Variants in HCN2 observed in about 807,000 individuals in gnomAD.
HCN2 encodes hyperpolarization activated cyclic nucleotide gated potassium and sodium channel 2.
In HCN2, 20 loss-of-function variants were observed where a neutral mutation model predicts 52.3. The observed-to-expected ratio is 0.38, with a 90% confidence interval of 0.27 to 0.56. HCN2 has a LOEUF of 0.56. Among genes scored for constraint, HCN2 ranks in the 20% least tolerant of loss-of-function variants. The pLI, the probability that HCN2 is intolerant of heterozygous loss-of-function variation, is 0.71. For synonymous variants in HCN2, 694 were observed against 537.0 expected (o/e 1.29, Z -4.04); for missense variants, 981 against 1,207.7 (o/e 0.81, Z 2.78).
intron 1 of HCN2, among the ~76,000 whole-genome samples, chr19:593,307 G>A (rs1026379092): frequency 3.9e-5 from 6 of 152,200 alleles, no homozygotes; most frequent in Admixed American, 1.3e-4. Flanking sequence ...AGGCCTGGGC[G>A]GCTGGCCCCT....
rs190846720 is a variant in HCN2, at chr19:590,365, G to A, written c.420G>A (p.Pro140=). Residue 140 remains proline (P), a synonymous_variant, in exon 1 of 8, where the codon CCG becomes CCA. Coordinates refer to ENST00000251287, the MANE Select transcript of HCN2 (RefSeq NM_001194.4). The surrounding 1 kb of genome is among the most constrained non-coding windows in gnomAD (Gnocchi z 7.2). ...CGGGGCCCGCGCCGGGGCCGGGGCC[G>A]GCGGAGGAGGCGGGCAGCGAGGAGG... ...AASGPAPGPG[P]AEEAGSEEAG... is the part of the protein sequence containing the mutation. The A allele has an allele frequency of 2.5e-3, 2,857 of 1,150,130 alleles. 33 individuals carry two copies. In the African/African-American group the frequency reaches 0.033, roughly 13 times the overall value. 71.2% of individuals were successfully genotyped at this position (1,150,130 alleles called of 1,614,324 possible). A position where few individuals can be genotyped will look rare whatever the true frequency, so the allele number is the denominator to read the frequency against.
chr19:595,530 C>G (rs1983002312), intron 1 of HCN2, among the ~76,000 whole-genome samples: 1 of 152,208 alleles, frequency 6.6e-6, no homozygotes, highest in African/African-American at 2.4e-5. Flanking sequence ...CCTGCTGCCC[C>G]TCTTCAGCCA....
intron 1 of HCN2, among the ~76,000 whole-genome samples, chr19:595,035 C>T: frequency 6.6e-6 from 1 of 152,020 alleles, no homozygotes; most frequent in Admixed American, 6.5e-5. Flanking sequence ...ACCCCCATCT[C>T]TACAAAAAGT....
chr19:594,789 G>A (rs1234141726), intron 1 of HCN2, among the ~76,000 whole-genome samples: 1 of 152,160 alleles, frequency 6.6e-6, no homozygotes, highest in Non-Finnish European at 1.5e-5. Flanking sequence ...GGGTGTGCAT[G>A]GACCCATATC....
intron 1 of HCN2, among the ~76,000 whole-genome samples, chr19:597,999 C>T (rs973353814): frequency 2.0e-5 from 3 of 152,190 alleles, no homozygotes; most frequent in Non-Finnish European, 4.4e-5. Flanking sequence ...GGTTTTGTCC[C>T]AAGACTGGTG....
intron 1 of HCN2, among the ~76,000 whole-genome samples, chr19:593,123 C>G (rs1046710980): frequency 6.6e-6 from 1 of 152,260 alleles, no homozygotes; most frequent in Non-Finnish European, 1.5e-5. Flanking sequence ...GGTTCTTCCT[C>G]GCTGCCCAGC....
chr19:593,513 G>C (rs139181679), intron 1 of HCN2, among the ~76,000 whole-genome samples: 2 of 152,198 alleles, frequency 1.3e-5, no homozygotes, highest in Non-Finnish European at 2.9e-5. Context: ...CCAGCTACTC[G>C]GGAGGCTGAG....
At chr19:601,571 T>G (rs901901742) in intron 1 of HCN2, among the ~76,000 whole-genome samples, 1 of 152,054 alleles carries the variant, frequency 6.6e-6, no homozygotes, top group Non-Finnish European at 1.5e-5. Context: ...GGTGGGGTGG[T>G]TGTCGTCCGC....
chr19:592,139 G>C lies in HCN2; in HGVS notation c.632+1562G>C, dbSNP rs1016676325. 2.0e-5 allele frequency among the ~76,000 whole-genome samples: 3 copies of C among 152,238 alleles called. No homozygotes were observed. Among genetic ancestry groups the C allele is most frequent in the Non-Finnish European group, 4.4e-5 (3 of 68,032 alleles). The stretch of plus-strand genomic sequence containing the variant: ...ACTGGACTTCCAGGGCTGCTGGTCG[G>C]CCTGGCCCCACTTCCAGTCGGGCAG... On this transcript the variant is annotated intron_variant, in intron 1 of 7. Transcript: ENST00000251287. This position sits in a 1 kb window ranked among gnomAD's most constrained non-coding sequence, Gnocchi z 4.8.
rs1983388361 is a variant in HCN2, at chr19:605,331, GTGGGGA to G, written c.1218+110_1218+115del. ...AGGGTTGAACCCAAGCCTTTCAGAG[GTGGGGA>G]CCCAGGCGCCCCCTTATGGAGGGGA... On this transcript the variant is annotated intron_variant, in intron 3 of 7. Transcript: ENST00000251287. 19 of 915,758 alleles carry G rather than the reference GTGGGGA, an allele frequency of 2.1e-5. 2 individuals are homozygous for G. The Admixed American group carries it at 3.6e-4, about 17-fold the overall frequency. The allele number at this position is 915,758 out of a possible 1,614,324, so 56.7% of individuals were successfully genotyped here.
chr19:613,112 G>A (rs113062190), intron 5 of HCN2, 136 bp from the exon 6 acceptor site: 2 of 1,198,656 alleles, frequency 1.7e-6, no homozygotes, highest in Non-Finnish European at 2.3e-6. Context: ...GCAGCAGCTC[G>A]GTTCCGGCTA....
intron 3 of HCN2, among the ~76,000 whole-genome samples, chr19:607,142 G>A (rs1482869137): frequency 1.3e-5 from 2 of 151,956 alleles, no homozygotes; most frequent in Non-Finnish European, 2.9e-5. Flanking sequence ...CTGCACTCCA[G>A]CCTGGGCGAC....
rs1270825653 is a variant in HCN2 at position 616,503 on chromosome 19, C to T, written c.*29C>T. ...TCGCCGACCGCCCCGCGGGCCCAGGCGGGCCGGGGGCGGGGCCGTCATCCA... is the reference window on the plus strand; with the variant it reads ...TCGCCGACCGCCCCGCGGGCCCAGGTGGGCCGGGGGCGGGGCCGTCATCCA... On this transcript the variant is annotated 3_prime_UTR_variant, in exon 8 of 8. Transcript: ENST00000251287. The T allele has an allele frequency of 2.5e-6, 3 of 1,196,322 alleles. No homozygotes were observed. Among genetic ancestry groups the T allele is most frequent in the Non-Finnish European group, 3.1e-6 (3 of 959,866 alleles). The allele number at this position is 1,196,322 out of a possible 1,614,324, so 74.1% of individuals were successfully genotyped here. A position where few individuals can be genotyped will look rare whatever the true frequency, so the allele number is the denominator to read the frequency against.
rs1301225515 is a variant in HCN2, at chr19:594,036, A to G, written c.632+3459A>G. ...CCACTTGGGAAAGCCTGAGTCGTGCAAAGGAGGGTGTCTCCGCAGGAGAGG... is the reference window on the plus strand; with the variant it reads ...CCACTTGGGAAAGCCTGAGTCGTGCGAAGGAGGGTGTCTCCGCAGGAGAGG... On this transcript the variant is annotated intron_variant, in intron 1 of 7. Coordinates refer to ENST00000251287, the MANE Select transcript of HCN2 (RefSeq NM_001194.4). 3.3e-5 allele frequency among the ~76,000 whole-genome samples: 5 copies of G among 152,148 alleles called. No homozygotes were observed. The East Asian group carries it at 9.7e-4, about 30-fold the overall frequency.
chr19:604,930 G>T (rs1158541969), intron 2 of HCN2, 131 bp from the exon 3 acceptor site: 2 of 952,318 alleles, frequency 2.1e-6, no homozygotes, highest in Non-Finnish European at 3.0e-6. Context: ...GTGGGGCGGG[G>T]GTCCTGTGCG....
At chr19:595,282 T>G (rs1434359397) in intron 1 of HCN2, among the ~76,000 whole-genome samples, 1 of 128,764 alleles carries the variant, frequency 7.8e-6, no homozygotes, top group Non-Finnish European at 1.7e-5. Context: ...GGGCCCTGCC[T>G]CACCCCCCAC....
chr19:596,356 T>G (rs945058506), intron 1 of HCN2, among the ~76,000 whole-genome samples: 2 of 152,260 alleles, frequency 1.3e-5, no homozygotes, highest in African/African-American at 4.8e-5. Context: ...GAAGCCACTC[T>G]GGAGTGAGAG....
At chr19:603,097 C>T (rs1159852335) in intron 1 of HCN2, among the ~76,000 whole-genome samples, 2 of 148,804 alleles carry the variant, frequency 1.3e-5, no homozygotes, top group South Asian at 2.1e-4. Flanking sequence ...GGGCTGGTCC[C>T]ATAGGTGCCT....
rs1044036091 is a variant in HCN2, at chr19:590,615, C to T, written c.632+38C>T. On this transcript the variant is annotated intron_variant, in intron 1 of 7. Coordinates refer to ENST00000251287, the MANE Select transcript of HCN2 (RefSeq NM_001194.4). This position sits in a 1 kb window ranked among gnomAD's most constrained non-coding sequence, Gnocchi z 7.2. ...GGAGGGCCGGTCGGCGCGAGGGGGC[C>T]CGGGGAGCCGGGCGCGCGGGGAGCC... 3.8e-6 allele frequency: 5 copies of T among 1,306,490 alleles called. No homozygotes were observed. Among genetic ancestry groups the T allele is most frequent in the East Asian group, 3.1e-5 (1 of 32,262 alleles). The allele number at this position is 1,306,490 out of a possible 1,614,324, so 80.9% of individuals were successfully genotyped here.
Sources: allele counts gnomAD v4.1 joint callset (sites outside exome capture counted in the v4.1 genomes callset), GRCh38; gene constraint gnomAD v4.1.1; non-coding constraint Gnocchi (gnomAD v3.1); transcripts MANE v1.5; gene names NCBI Gene and HGNC (gene_info 2026-07-23, HGNC 2026-07-21).